Variants in ZNF677 observed in about 807,000 individuals in gnomAD.
ZNF677 encodes the protein hypothetical protein MGC48625.
Under a neutral mutation model 8.1 loss-of-function variants are expected in ZNF677, and 5 were observed. The ratio of observed to expected loss-of-function variants is 0.62; its 90% CI spans 0.32 to 1.29. The LOEUF (loss-of-function observed/expected upper bound fraction) is 1.29. Ranked by LOEUF, ZNF677 falls within the 50% of genes most tolerant of loss-of-function variation. The pLI, the probability that ZNF677 is intolerant of heterozygous loss-of-function variation, is 0.05. For synonymous variants in ZNF677, 221 were observed against 225.6 expected (o/e 0.98, Z 0.18); for missense variants, 685 against 685.9 (o/e 1.00, Z 0.01).
At position 53,237,541 on chromosome 19, in the gene ZNF677, T is replaced by G; in HGVS notation, c.1186A>C (p.Ile396Leu). 6.2e-7 allele frequency: 1 copy of G among 1,613,824 alleles called. No individual in the cohort carries two copies. The highest frequency in any genetic ancestry group is 8.5e-7 in the Non-Finnish European group (1 of 1,179,892). The change falls in exon 5 of 5, where the codon ATC (isoleucine) becomes CTC (leucine). Residue 396 changes from isoleucine (I) to leucine (L), a missense_variant. Coordinates refer to ENST00000598513, the MANE Select transcript of ZNF677 (RefSeq NM_182609.4). Reference protein sequence around the residue: ...ERSSLTQHKRIHTGEKPYICN... With the variant: ...ERSSLTQHKRLHTGEKPYICN... The stretch of plus-strand genomic sequence containing the variant: ...ATGTAAGGCTTCTCTCCAGTATGGA[T>G]TCTCTTATGTTGGGTAAGGCTTGAA...
In ZNF677 at chr19:53,236,904, A is replaced by C; in HGVS notation, c.*68T>G. ...ATATTCTGGTATCAAGTGAGACATA[A>C]GCCATAGCTAAAGGCTTTACCACAT... On this transcript the variant is annotated 3_prime_UTR_variant, in exon 5 of 5. Coordinates refer to ENST00000598513, the MANE Select transcript of ZNF677 (RefSeq NM_182609.4). The C allele has an allele frequency of 7.2e-7, 1 of 1,388,060 alleles. No individual in the cohort carries two copies. The highest frequency in any genetic ancestry group is 2.6e-5 in the Admixed American group (1 of 39,130). 86.0% of individuals were successfully genotyped at this position (1,388,060 alleles called of 1,614,324 possible).
rs1350636026 is a variant in ZNF677, at chr19:53,235,714, C to T, written c.*1258G>A. Reference sequence around the variant, plus strand: ...ACTTCCATGAAAATCTCTCAATGTCCCACCCTACTCTTCTTGTTTCATGGT... The same window carrying T: ...ACTTCCATGAAAATCTCTCAATGTCTCACCCTACTCTTCTTGTTTCATGGT... On this transcript the variant is annotated 3_prime_UTR_variant, in exon 5 of 5. Transcript: ENST00000598513. The T allele has an allele frequency of 1.3e-5, 2 of 152,140 alleles. No homozygotes were observed. The highest frequency in any genetic ancestry group is 4.8e-5 in the African/African-American group (2 of 41,430). 9.4% of individuals were successfully genotyped at this position (152,140 alleles called of 1,614,324 possible).
At chr19:53,240,654 A>G (rs1400068980) in intron 4 of ZNF677, 1 of 152,314 alleles carries the variant, frequency 6.6e-6, no homozygotes, top group African/African-American at 2.4e-5. Context: ...CTATGGAGAC[A>G]GTAAAGAGAT....
Position 53,247,492 on chromosome 19 carries a change from T to A in ZNF677, c.16-3595A>T, listed in dbSNP as rs114541265. On this transcript the variant is annotated intron_variant, in intron 3 of 4. Transcript: ENST00000598513. Reference sequence around the variant, plus strand: ...TGAGCCACATGCAGTCTGTGGTCCGTGGGTTAGATAATCTTGGTTTAAAGT... The same window carrying A: ...TGAGCCACATGCAGTCTGTGGTCCGAGGGTTAGATAATCTTGGTTTAAAGT... Among the ~76,000 whole-genome samples, 551 of 152,316 alleles carry A rather than the reference T, an allele frequency of 3.6e-3. 6 individuals are homozygous for A. The highest frequency in any genetic ancestry group is 0.012 in the African/African-American group (505 of 41,576).
Position 53,244,081 on chromosome 19 carries a change from G to A in ZNF677, c.16-184C>T, listed in dbSNP as rs537745307. 3 of 601,160 alleles carry A rather than the reference G, an allele frequency of 5.0e-6. No homozygotes were observed. In the African/African-American group the frequency reaches 5.7e-5, roughly 11 times the overall value. The allele number at this position is 601,160 out of a possible 1,614,324, so 37.2% of individuals were successfully genotyped here. ...CATAACATAAAATTAGCTATTTGAG[G>A]CTGGGTGCAGTGGCTCACACCTGTA... On this transcript the variant is annotated intron_variant, in intron 3 of 4. Coordinates refer to ENST00000598513, the MANE Select transcript of ZNF677 (RefSeq NM_182609.4).
chr19:53,237,406 T>C lies in ZNF677; in HGVS notation c.1321A>G (p.Ile441Val). ...HKCNVCGRAF[I>V]QSSSLVEHQR... is the part of the protein sequence containing the mutation. ...TGTTCCACAAGACTTGAACTTTGGA[T>C]AAAAGCCCTGCCACACACATTACAT... The change falls in exon 5 of 5, where the codon ATC (isoleucine) becomes GTC (valine). Residue 441 changes from isoleucine (I) to valine (V), a missense_variant. Transcript: ENST00000598513. The C allele has an allele frequency of 2.5e-6, 4 of 1,614,076 alleles. No homozygotes were observed. The highest frequency in any genetic ancestry group is 3.4e-6 in the Non-Finnish European group (4 of 1,180,000).
chr19:53,240,653 C>A (rs1391555266), intron 4 of ZNF677: 1 of 152,192 alleles, frequency 6.6e-6, no homozygotes, highest in Non-Finnish European at 1.5e-5. Flanking sequence ...TCTATGGAGA[C>A]AGTAAAGAGA....
chr19:53,246,519 CA>C (rs2091144865), intron 3 of ZNF677, among the ~76,000 whole-genome samples: 1 of 151,506 alleles, frequency 6.6e-6, no homozygotes, highest in African/African-American at 2.4e-5. Context: ...CACACACACA[CA>C]CACACACACA....
At position 53,236,350 on chromosome 19, in the gene ZNF677, C is replaced by A. The variant is rs2090972587; in HGVS notation, c.*622G>T. The A allele has an allele frequency of 6.6e-6, 1 of 152,176 alleles. No individual in the cohort carries two copies. Among genetic ancestry groups the A allele is most frequent in the Admixed American group, 6.5e-5 (1 of 15,278 alleles). The allele number at this position is 152,176 out of a possible 1,614,324, so 9.4% of individuals were successfully genotyped here. On this transcript the variant is annotated 3_prime_UTR_variant, in exon 5 of 5. Coordinates refer to ENST00000598513, the MANE Select transcript of ZNF677 (RefSeq NM_182609.4). Reference sequence around the variant, plus strand: ...AAAGCATGCCATGAAGATTTAACAGCAACAGATTTCATACTTTTAAAAATA... The same window carrying A: ...AAAGCATGCCATGAAGATTTAACAGAAACAGATTTCATACTTTTAAAAATA...
chr19:53,236,989 A>G lies in ZNF677; in HGVS notation c.1738T>C (p.Tyr580His). ...CCCTGATGCTAGGTACAGCTTGAATACTTAATTTTTGTCTCATTATATTTG... is the reference window on the plus strand; with the variant it reads ...CCCTGATGCTAGGTACAGCTTGAATGCTTAATTTTTGTCTCATTATATTTG... ...HIKYNETKIK[Y>H]SSCT Residue 580 changes from tyrosine (Y) to histidine (H), a missense_variant, in exon 5 of 5, where the codon TAT becomes CAT. Physicochemically the swap from Tyr to His is moderately conservative, Grantham distance 83. Transcript: ENST00000598513. 6.4e-7 allele frequency: 1 copy of G among 1,564,170 alleles called. No individual in the cohort carries two copies.
Position 53,247,239 on chromosome 19 carries a change from G to A in ZNF677, c.16-3342C>T, listed in dbSNP as rs138248404. On this transcript the variant is annotated intron_variant, in intron 3 of 4. Transcript: ENST00000598513. ...AGACAAGAGTGCAGATTCCGTTTTT[G>A]CTGGGTGCAGTTTTCTTTCCGTGCT... 6.3e-3 allele frequency among the ~76,000 whole-genome samples: 960 copies of A among 152,196 alleles called. 11 individuals are homozygous for A. The highest frequency in any genetic ancestry group is 0.021 in the African/African-American group (877 of 41,516).
Position 53,238,536 on chromosome 19 carries a change from C to T in ZNF677, c.191G>A (p.Ser64Asn), listed in dbSNP as rs191125688. The T allele has an allele frequency of 2.2e-5, 34 of 1,567,640 alleles. 1 individual carries two copies. The Admixed American group carries it at 5.8e-4, about 27-fold the overall frequency. The change falls in exon 5 of 5, where the codon AGC (serine) becomes AAC (asparagine). Residue 64 changes from serine (S) to asparagine (N), a missense_variant. Coordinates refer to ENST00000598513, the MANE Select transcript of ZNF677 (RefSeq NM_182609.4). ...ATTTTCCTTTGGTGATAATCCCTTG[C>T]TTGTAAATCCAACAGAAATATCTGA... Reference protein sequence around the residue: ...PEDDISVGFTSKGLSPKENNK... With the variant: ...PEDDISVGFTNKGLSPKENNK...
rs2090975290 is a variant in ZNF677, at chr19:53,236,720, T to C, written c.*252A>G. The C allele has an allele frequency of 3.3e-6, 1 of 303,514 alleles. No homozygotes were observed. The highest frequency in any genetic ancestry group is 4.6e-5 in the Admixed American group (1 of 21,744). 18.8% of individuals were successfully genotyped at this position (303,514 alleles called of 1,614,324 possible). On this transcript the variant is annotated 3_prime_UTR_variant, in exon 5 of 5. Transcript: ENST00000598513. ...TGGTTTCCATCCTGAATGTCTTCTG[T>C]TATAACCATAATAGGGTAAATATTT...
chr19:53,237,972 T>C lies in ZNF677; in HGVS notation c.755A>G (p.Gln252Arg), dbSNP rs370211916. ...KILKYPLLHT[Q>R]YGRTHIREKS... ...TTCTCTAATGTGTGTTCTCCCATAC[T>C]GTGTATGTAATAAAGGGTATTTCAA... Residue 252 changes from glutamine (Q) to arginine (R), a missense_variant, in exon 5 of 5, where the codon CAG (glutamine) becomes CGG (arginine). By Grantham distance (43) the Gln-to-Arg change is conservative. Transcript: ENST00000598513. The C allele has an allele frequency of 2.8e-5, 45 of 1,612,642 alleles. No individual in the cohort carries two copies. The highest frequency in any genetic ancestry group is 3.2e-5 in the Non-Finnish European group (38 of 1,179,902).
intron 4 of ZNF677, chr19:53,241,961 T>C (rs2914384): frequency 0.44 from 175,397 of 394,794 alleles, 41,187 homozygotes; most frequent in East Asian, 0.76. Context: ...GATGGAGTTT[T>C]GCTCTTGTTG....
In ZNF677 at chr19:53,243,922, A is replaced by C; in HGVS notation, c.16-25T>G. The C allele has an allele frequency of 1.9e-6, 3 of 1,549,380 alleles. 1 individual carries two copies. Among genetic ancestry groups the C allele is most frequent in the Admixed American group, 2.1e-5 (1 of 46,578 alleles). On this transcript the variant is annotated intron_variant, in intron 3 of 4. Coordinates refer to ENST00000598513, the MANE Select transcript of ZNF677 (RefSeq NM_182609.4). Reference sequence around the variant, plus strand: ...CCTGAAATAAAAACACACTTCACCAAGTGGACACAGGAAAATTTCTTATTT... The same window carrying C: ...CCTGAAATAAAAACACACTTCACCACGTGGACACAGGAAAATTTCTTATTT...
chr19:53,242,572 G>A, intron 4 of ZNF677: 1 of 395,938 alleles, frequency 2.5e-6, no homozygotes, highest in Non-Finnish European at 4.4e-6. Context: ...TGTGGCAAAA[G>A]CAGAACTGAA....
chr19:53,238,483 T>C lies in ZNF677; in HGVS notation c.244A>G (p.Ile82Val), dbSNP rs936644255. ...CCATGGCTTTCCTTTCTTTCTAATA[T>C]CACCAGATGGTATAATTCCTCTTTA... ...NNKEELYHLVILERKESHGIN... is the reference protein window; with the variant it reads ...NNKEELYHLVVLERKESHGIN... Residue 82 changes from isoleucine (I) to valine (V), a missense_variant, in exon 5 of 5, where the codon ATA becomes GTA. Transcript: ENST00000598513. The C allele has an allele frequency of 1.9e-6, 3 of 1,611,676 alleles. No individual in the cohort carries two copies. The highest frequency in any genetic ancestry group is 2.5e-6 in the Non-Finnish European group (3 of 1,179,488).
At chr19:53,253,716 C>A (rs2914371) in intron 1 of ZNF677, among the ~76,000 whole-genome samples, 67,666 of 151,870 alleles carry the variant, frequency 0.45, 15,515 homozygotes, top group East Asian at 0.77. Context: ...TAAAAGAAAG[C>A]AAAAGAAAGC....
Sources: allele counts gnomAD v4.1 joint callset (sites outside exome capture counted in the v4.1 genomes callset), GRCh38; gene constraint gnomAD v4.1.1; transcripts MANE v1.5; gene names NCBI Gene and HGNC (gene_info 2026-07-23, HGNC 2026-07-21).